APLP2: variants seen among roughly 807,000 people sequenced by gnomAD.
APLP2 encodes the protein amyloid beta precursor like protein 2, also known as CDEI box-binding protein.
Under a neutral mutation model 89.9 loss-of-function variants are expected in APLP2, and 53 were observed. The observed-to-expected ratio is 0.59, with a 90% confidence interval of 0.47 to 0.74. The LOEUF is 0.74. APLP2 is among the 30% of genes least tolerant of loss of function. APLP2 has a pLI of 0.00. For missense variants in APLP2, 973 were observed against 975.9 expected (o/e 1.00, Z 0.04); for synonymous variants, 372 against 348.6 (o/e 1.07, Z -0.75).
intron 1 of APLP2, among the ~76,000 whole-genome samples, chr11:130,085,678 C>A (rs76520356): frequency 2.0e-5 from 3 of 152,144 alleles, no homozygotes; most frequent in African/African-American, 7.2e-5. Flanking sequence ...CAACCATCCC[C>A]GCTGTCCATT....
chr11:130,115,068 T>G (rs1369884542), intron 3 of APLP2, among the ~76,000 whole-genome samples: 1 of 152,172 alleles, frequency 6.6e-6, no homozygotes. Flanking sequence ...CTGTTTTCCC[T>G]GAAACATACC....
At chr11:130,124,507 A>G (rs1402946804) in intron 7 of APLP2, among the ~76,000 whole-genome samples, 2 of 151,614 alleles carry the variant, frequency 1.3e-5, no homozygotes, top group East Asian at 3.9e-4. Flanking sequence ...CTCCATGGCT[A>G]CTCCTTTTTC....
chr11:130,124,135 C>T (rs893324296), intron 7 of APLP2, among the ~76,000 whole-genome samples: 1 of 152,126 alleles, frequency 6.6e-6, no homozygotes, highest in African/African-American at 2.4e-5. Context: ...GCAGCTGTCC[C>T]CTGGGCTGGC....
chr11:130,089,591 A>AC (rs913519579), intron 1 of APLP2, among the ~76,000 whole-genome samples: 6 of 152,148 alleles, frequency 3.9e-5, no homozygotes, highest in Non-Finnish European at 8.8e-5. Flanking sequence ...AGTCTTGTTT[A>AC]CCCAGTGTGT....
At chr11:130,126,590 G>A in intron 7 of APLP2, 110 bp from the exon 8 acceptor site, 1 of 1,319,094 alleles carries the variant, frequency 7.6e-7, no homozygotes, top group East Asian at 2.3e-5. Context: ...TGCACTTAGA[G>A]AATGCCACAA....
intron 1 of APLP2, among the ~76,000 whole-genome samples, chr11:130,098,625 T>G (rs1946525295): frequency 6.6e-6 from 1 of 152,198 alleles, no homozygotes; most frequent in East Asian, 1.9e-4. Flanking sequence ...CTAATTCAAG[T>G]GTTTATTTAG....
Position 130,126,703 on chromosome 11 carries a change from C to G in APLP2, c.1094C>G (p.Pro365Arg), listed in dbSNP as rs955922728. 6.2e-7 allele frequency: 1 copy of G among 1,613,882 alleles called. No homozygotes were observed. The highest frequency in any genetic ancestry group is 1.7e-5 in the Admixed American group (1 of 60,012). ...YCMAVCKAMIPPTPLPTNDVD... is the reference protein window; with the variant it reads ...YCMAVCKAMIRPTPLPTNDVD... ...TCCCTCTGTAATTTTGTTTCAGTTC[C>G]TCCAACTCCTCTGCCAACCAATGAT... The change falls in exon 8 of 17, where the codon CCT becomes CGT. Residue 365 changes from proline to arginine, a missense_variant. Transcript: ENST00000338167.
intron 1 of APLP2, among the ~76,000 whole-genome samples, chr11:130,091,176 C>T (rs1945025951): frequency 7.5e-6 from 1 of 132,648 alleles, no homozygotes; most frequent in African/African-American, 2.9e-5. Context: ...CGGGCAGAGG[C>T]GCCCCTCACC....
At chr11:130,070,557 C>T in intron 1 of APLP2, 1 of 1,282,316 alleles carries the variant, frequency 7.8e-7, no homozygotes, top group Non-Finnish European at 9.8e-7. Flanking sequence ...CTGCGAGCGG[C>T]GGGCTTCGCC....
At chr11:130,084,282 G>A (rs972294839) in intron 1 of APLP2, among the ~76,000 whole-genome samples, 3 of 150,800 alleles carry the variant, frequency 2.0e-5, no homozygotes, top group African/African-American at 7.4e-5. Flanking sequence ...TCTTTTGAGG[G>A]TATCATATTA....
At chr11:130,078,081 A>G (rs1482706397) in intron 1 of APLP2, among the ~76,000 whole-genome samples, 2 of 151,900 alleles carry the variant, frequency 1.3e-5, no homozygotes, top group Non-Finnish European at 2.9e-5. Context: ...TGCTCCTCTG[A>G]CTTTATGGTA....
In APLP2 at chr11:130,123,645, G is replaced by A. The variant is rs756725992; in HGVS notation, c.956G>A (p.Cys319Tyr). ...VCSQEAMTGP[C>Y]RAVMPRWYFD... is the part of the protein sequence containing the mutation. ...TCCCAGGAGGCGATGACGGGGCCCT[G>A]CCGGGCCGTGATGCCTCGTTGGTAC... The change falls in exon 7 of 17, where the codon TGC (cysteine) becomes TAC (tyrosine). Residue 319 changes from cysteine to tyrosine, a missense_variant. Physicochemically the swap from Cys to Tyr is radical, Grantham distance 194. Coordinates refer to ENST00000338167, the MANE Select transcript of APLP2 (RefSeq NM_001142276.2). This position sits in a 1 kb window ranked among gnomAD's most constrained non-coding sequence, Gnocchi z 4.0. 1.9e-6 allele frequency: 3 copies of A among 1,614,236 alleles called. No homozygotes were observed. The highest frequency in any genetic ancestry group is 1.7e-5 in the Admixed American group (1 of 60,032).
intron 1 of APLP2, among the ~76,000 whole-genome samples, chr11:130,083,026 CTTTTTTTT>C (rs553962550): frequency 7.0e-3 from 509 of 72,504 alleles, no homozygotes; most frequent in South Asian, 0.022. Flanking sequence ...CTTTTCTTTT[CTTTTTTTT>C]TTTTTTTTTT....
At chr11:130,126,345 G>A (rs995183558) in intron 7 of APLP2, among the ~76,000 whole-genome samples, 1 of 152,192 alleles carries the variant, frequency 6.6e-6, no homozygotes, top group Non-Finnish European at 1.5e-5. Flanking sequence ...CAGATGCTCA[G>A]TTACGAGCAA....
At chr11:130,102,174 A>G (rs534671854) in intron 1 of APLP2, among the ~76,000 whole-genome samples, 2 of 152,164 alleles carry the variant, frequency 1.3e-5, no homozygotes, top group Non-Finnish European at 2.9e-5. Context: ...CTAATTTGTG[A>G]ACCTTGAAGT....
chr11:130,130,265 CTACT>C, intron 11 of APLP2, 99 bp downstream of exon 11: 1 of 1,476,876 alleles, frequency 6.8e-7, no homozygotes, highest in Non-Finnish European at 9.3e-7. Flanking sequence ...GTTGCATTTG[CTACT>C]AGTCCTTAGA....
At chr11:130,138,088 A>AT (rs766387065) in intron 13 of APLP2, among the ~76,000 whole-genome samples, 9 of 152,178 alleles carry the variant, frequency 5.9e-5, no homozygotes, top group Non-Finnish European at 1.3e-4. Context: ...TCATTACCTG[A>AT]GTTGTCGGTG....
At chr11:130,080,958 G>A (rs933864364) in intron 1 of APLP2, among the ~76,000 whole-genome samples, 1 of 151,756 alleles carries the variant, frequency 6.6e-6, no homozygotes, top group African/African-American at 2.4e-5. Context: ...CAAAGTGCTG[G>A]GATTACAGGC....
chr11:130,084,882 T>G (rs1316778876), intron 1 of APLP2, among the ~76,000 whole-genome samples: 1 of 151,840 alleles, frequency 6.6e-6, no homozygotes, highest in Non-Finnish European at 1.5e-5. Context: ...AGAGTTGGGT[T>G]TTTGAAAAGA....
Sources: gnomAD v4.1 joint callset for allele counts (sites outside exome capture counted in the v4.1 genomes callset) on GRCh38, gnomAD v4.1.1 for gene constraint, Gnocchi (gnomAD v3.1) non-coding constraint, MANE v1.5 for transcripts, NCBI Gene and HGNC (gene_info 2026-07-23, HGNC 2026-07-21) for gene names.